DHX37: variants seen among roughly 807,000 people sequenced by gnomAD.
The protein encoded by DHX37 is DEAH-box helicase 37.
Under a neutral mutation model 134.3 loss-of-function variants are expected in DHX37, and 52 were observed. The observed-to-expected ratio is 0.39, with a 90% CI of 0.31 to 0.49. DHX37 has a LOEUF of 0.49. Ranked by LOEUF, DHX37 falls within the 20% of genes least tolerant of loss-of-function variation. The pLI is 0.93. For synonymous variants in DHX37, 634 were observed against 670.7 expected (o/e 0.95, Z 0.85); for missense variants, 1,344 against 1,580.8 (o/e 0.85, Z 2.54).
At chr12:124,967,799 T>G (rs1954421668) in intron 10 of DHX37, among the ~76,000 whole-genome samples, 2 of 152,292 alleles carry the variant, frequency 1.3e-5, no homozygotes, top group East Asian at 1.9e-4. Flanking sequence ...CTGGGTGCAG[T>G]GGCTCACACT....
intron 13 of DHX37, 120 bp downstream of exon 13, chr12:124,965,548 C>A: frequency 7.0e-7 from 1 of 1,421,774 alleles, no homozygotes; most frequent in Non-Finnish European, 9.2e-7. Flanking sequence ...TTCAAGAACT[C>A]AGGAAGCATC....
intron 2 of DHX37, among the ~76,000 whole-genome samples, chr12:124,983,738 T>TACCA (rs1565894994): frequency 6.8e-6 from 1 of 146,526 alleles, no homozygotes; most frequent in African/African-American, 2.5e-5. Context: ...TGAGCTGAGA[T>TACCA]CATACCACTG....
rs1316536231 is a variant in DHX37, at chr12:124,984,784, G to A, written c.276+1312C>T. Among the ~76,000 whole-genome samples, 8 of 152,186 alleles carry A rather than the reference G, an allele frequency of 5.3e-5. No individual in the cohort carries two copies. The East Asian group carries it at 1.3e-3, about 26-fold the overall frequency. On this transcript the variant is annotated intron_variant, in intron 2 of 26. Transcript: ENST00000308736. ...AAATTGAAATATTTATGGATATAAT[G>A]CTATGTATAGTGGGTTAAATGGCAG...
At chr12:124,968,383 C>A in intron 10 of DHX37, 151 bp downstream of exon 10, 1 of 1,326,052 alleles carries the variant, frequency 7.5e-7, no homozygotes, top group Non-Finnish European at 1.0e-6. Flanking sequence ...AGACAGGTGT[C>A]ATGAACACTC....
chr12:124,949,222 G>A lies in DHX37; in HGVS notation c.3290+764C>T, dbSNP rs1953926540. On this transcript the variant is annotated intron_variant, in intron 25 of 26. Transcript: ENST00000308736. The surrounding 1 kb of genome is among the most constrained non-coding windows in gnomAD (Gnocchi z 4.0). ...ACTGGAAAACGTGAGCTGAGTGACT[G>A]ACACGGCTCCTGACAGCCCAGCAGC... Among the ~76,000 whole-genome samples the A allele has an allele frequency of 6.6e-6, 1 of 152,222 alleles. No homozygotes were observed. Among genetic ancestry groups the A allele is most frequent in the Non-Finnish European group, 1.5e-5 (1 of 68,040 alleles).
Position 124,960,364 on chromosome 12 carries a change from C to A in DHX37, c.2105G>T (p.Arg702Leu). 2 of 1,614,120 alleles carry A rather than the reference C, an allele frequency of 1.2e-6. No homozygotes were observed. The highest frequency in any genetic ancestry group is 1.7e-6 in the Non-Finnish European group (2 of 1,179,986). The part of the protein sequence containing the change: ...FEQFPPPEIT[R>L]RPVEDLILQM... Reference sequence around the variant, plus strand: ...AAGGATTAAGTCTTCAACAGGCCTCCGGGTGATTTCTGGAGGAGGAAACTG... The same window carrying A: ...AAGGATTAAGTCTTCAACAGGCCTCAGGGTGATTTCTGGAGGAGGAAACTG... Residue 702 changes from arginine to leucine, a missense_variant, in exon 16 of 27, where the codon CGG becomes CTG. Arg to Leu is a moderately radical substitution (Grantham distance 102). Around this residue, in one of 7 missense-constraint regions of DHX37, gnomAD observed 558 missense variants for 650.0 expected, o/e 0.86. Transcript: ENST00000308736.
Position 124,966,789 on chromosome 12 carries a change from G to A in DHX37, c.1590+4C>T, listed in dbSNP as rs368309642. The A allele has an allele frequency of 1.2e-5, 20 of 1,614,032 alleles. No homozygotes were observed. Among genetic ancestry groups the A allele is most frequent in the African/African-American group, 9.3e-5 (7 of 74,932 alleles). ...CCAGGAGTCCCTGCCAGCCCCCCAC[G>A]TACCTCAGCCCGCGCCTTCTTGGCC... On this transcript the variant is annotated splice_donor_region_variant and intron_variant, in intron 12 of 26. Coordinates refer to ENST00000308736, the MANE Select transcript of DHX37 (RefSeq NM_032656.4).
chr12:124,967,435 C>T (rs551551442), intron 10 of DHX37, among the ~76,000 whole-genome samples: 1 of 152,324 alleles, frequency 6.6e-6, no homozygotes, highest in Admixed American at 6.5e-5. Flanking sequence ...AGCCCAGCAG[C>T]ATCACTCCCA....
Position 124,948,098 on chromosome 12 carries a change from T to C in DHX37, c.3374A>G (p.Lys1125Arg). ...DCHEALLAAW[K>R]KNPKYLLAEY... ...GTCAAACTCACATTTGGGGTTTTTC[T>C]TCCAAGCAGCCAGCAAGGCTTCATG... Residue 1125 changes from lysine (K) to arginine (R), a missense_variant, in exon 26 of 27, where the codon AAG becomes AGG. Transcript: ENST00000308736. The C allele has an allele frequency of 6.2e-7, 1 of 1,614,244 alleles. No homozygotes were observed. The highest frequency in any genetic ancestry group is 8.5e-7 in the Non-Finnish European group (1 of 1,180,042).
Position 124,975,419 on chromosome 12 carries a change from C to T in DHX37, c.980G>A (p.Arg327Gln), listed in dbSNP as rs535668741. The change falls in exon 6 of 27, where the codon CGG becomes CAG. Residue 327 changes from arginine to glutamine, a missense_variant and splice_region_variant. Physicochemically the swap from Arg to Gln is conservative, Grantham distance 43. This residue lies in a region of DHX37 where 32 missense variants were observed against 28.9 expected (regional missense o/e 1.11). Coordinates refer to ENST00000308736, the MANE Select transcript of DHX37 (RefSeq NM_032656.4). Reference protein sequence around the residue: ...RVAKEMNLSQRVVSYQIRYEG... With the variant: ...RVAKEMNLSQQVVSYQIRYEG... Reference sequence around the variant, plus strand: ...CGCCCCAGGGAAGTAGAGCCCTCACCGCTGGGACAGATTCATCTCCTTGGC... The same window carrying T: ...CGCCCCAGGGAAGTAGAGCCCTCACTGCTGGGACAGATTCATCTCCTTGGC... The T allele has an allele frequency of 6.8e-6, 11 of 1,612,876 alleles. No individual in the cohort carries two copies. Among genetic ancestry groups the T allele is most frequent in the Admixed American group, 5.0e-5 (3 of 60,008 alleles).
At chr12:124,966,754 GC>G in intron 12 of DHX37, 38 bp downstream of exon 12, 1 of 1,604,004 alleles carries the variant, frequency 6.2e-7, no homozygotes, top group Admixed American at 1.7e-5. Flanking sequence ...GGACAACGCA[GC>G]CTTACTCTCC....
At chr12:124,953,755 A>T in intron 20 of DHX37, 125 bp downstream of exon 20, 2 of 1,423,538 alleles carry the variant, frequency 1.4e-6, no homozygotes, top group Non-Finnish European at 1.9e-6. Flanking sequence ...ATTTAGGGTT[A>T]TAAATACATT....
chr12:124,980,437 G>T lies in DHX37; in HGVS notation c.738+53C>A. On this transcript the variant is annotated intron_variant, in intron 4 of 26. Transcript: ENST00000308736. This position sits in a 1 kb window ranked among gnomAD's most constrained non-coding sequence, Gnocchi z 5.3. ...CCCACTTCACCAGGACGCCCTCTGT[G>T]CGCCCCTTGCCCGCTAACCTAGATT... 1 of 1,579,436 alleles carries T rather than the reference G, an allele frequency of 6.3e-7. No homozygotes were observed. The highest frequency in any genetic ancestry group is 8.6e-7 in the Non-Finnish European group (1 of 1,165,738).
chr12:124,973,084 C>T (rs920267189), intron 6 of DHX37, among the ~76,000 whole-genome samples: 1 of 152,146 alleles, frequency 6.6e-6, no homozygotes, highest in African/African-American at 2.4e-5. Flanking sequence ...TGAGGCTGCA[C>T]TGAGCAAAGA....
At chr12:124,982,423 T>G in intron 3 of DHX37, 88 bp downstream of exon 3, 2 of 1,510,890 alleles carry the variant, frequency 1.3e-6, no homozygotes, top group Non-Finnish European at 1.8e-6. Context: ...TCTCAAATGT[T>G]CCACCCCCAG....
Position 124,982,578 on chromosome 12 carries a change from C to A in DHX37, c.322G>T (p.Ala108Ser), listed in dbSNP as rs764667952. 6.2e-7 allele frequency: 1 copy of A among 1,613,714 alleles called. No individual in the cohort carries two copies. Among genetic ancestry groups the A allele is most frequent in the East Asian group, 2.2e-5 (1 of 44,864 alleles). The change falls in exon 3 of 27, where the codon GCT (alanine) becomes TCT (serine). Residue 108 changes from alanine to serine, a missense_variant. Ala to Ser is a moderately conservative substitution (Grantham distance 99). Transcript: ENST00000308736. Reference sequence around the variant, plus strand: ...GTGGTATAAAAGAGTCTCATCTCAGCTTCGGAAGCCTGGACTTCACTCAGC... The same window carrying A: ...GTGGTATAAAAGAGTCTCATCTCAGATTCGGAAGCCTGGACTTCACTCAGC... ...QKLSEVQASEAEMRLFYTTSK... is the reference protein window; with the variant it reads ...QKLSEVQASESEMRLFYTTSK...
chr12:124,948,397 C>T, intron 25 of DHX37: 1 of 785,332 alleles, frequency 1.3e-6, no homozygotes. Context: ...CTGCAGTGAA[C>T]CATGACTGCA....
chr12:124,962,630 C>T (rs1294423023), intron 15 of DHX37, among the ~76,000 whole-genome samples: 1 of 151,612 alleles, frequency 6.6e-6, no homozygotes, highest in East Asian at 1.9e-4. Context: ...CATTCTAGCC[C>T]AGGCCGACAA....
intron 1 of DHX37, among the ~76,000 whole-genome samples, chr12:124,988,148 C>T (rs1006750108): frequency 1.3e-5 from 2 of 152,000 alleles, no homozygotes; most frequent in East Asian, 3.9e-4. Flanking sequence ...TGCCCACCAC[C>T]ACGCCTCCTC....
Sources: allele counts gnomAD v4.1 joint callset (sites outside exome capture counted in the v4.1 genomes callset), GRCh38; gene constraint gnomAD v4.1.1; regional missense constraint gnomAD v4.1.1; non-coding constraint Gnocchi (gnomAD v3.1); transcripts MANE v1.5; gene names NCBI Gene and HGNC (gene_info 2026-07-23, HGNC 2026-07-21).